IFT88: variants seen among roughly 807,000 people sequenced by gnomAD.
IFT88 encodes the protein intraflagellar transport 88, also known as intraflagellar transport protein 88 homolog.
IFT88 carries 74 observed loss-of-function variants against 119.5 expected under a neutral mutation model. That is an observed-to-expected ratio of 0.62 (90% CI 0.51 to 0.75). The LOEUF (loss-of-function observed/expected upper bound fraction) is 0.75. Ranked by LOEUF, IFT88 falls within the 30% of genes least tolerant of loss-of-function variation. The probability of loss-of-function intolerance (pLI) is 0.00; values close to 1 mark genes in which losing one functional copy is unlikely to be tolerated. For missense variants in IFT88, 961 were observed against 977.7 expected (o/e 0.98, Z 0.23); for synonymous variants, 279 against 316.7 (o/e 0.88, Z 1.26).
At chr13:20,657,748 C>T (rs979222245) in intron 22 of IFT88, among the ~76,000 whole-genome samples, 9 of 150,958 alleles carry the variant, frequency 6.0e-5, no homozygotes, top group African/African-American at 2.0e-4. Flanking sequence ...GCCAATAGAG[C>T]GAGATTCTGT....
In IFT88 at chr13:20,690,723, G is replaced by A. The variant is rs767561703; in HGVS notation, c.2261G>A (p.Ser754Asn). 3.7e-6 allele frequency: 6 copies of A among 1,612,068 alleles called. No homozygotes were observed. The South Asian group carries it at 6.6e-5, about 18-fold the overall frequency. Residue 754 changes from serine to asparagine, a missense_variant, in exon 25 of 26, where the codon AGT becomes AAT. Ser to Asn is a conservative substitution (Grantham distance 46, BLOSUM62 1). Transcript: ENST00000351808. ...TTTTCAGATAGTGGCCAGAACTATA[G>A]TGCCAGTAGTAAAGGTGAACGACTA... ...SASGDSGQNYSASSKGERLSA... is the reference protein window; with the variant it reads ...SASGDSGQNYNASSKGERLSA...
chr13:20,597,751 A>AAC (rs2041972491), intron 9 of IFT88, among the ~76,000 whole-genome samples: 1 of 142,978 alleles, frequency 7.0e-6, no homozygotes, highest in African/African-American at 2.6e-5. Flanking sequence ...GTCTCAAAAA[A>AAC]AAAATATATA....
At chr13:20,662,895 G>A (rs1358221507) in intron 22 of IFT88, among the ~76,000 whole-genome samples, 2 of 152,144 alleles carry the variant, frequency 1.3e-5, no homozygotes, top group African/African-American at 4.8e-5. Flanking sequence ...GTCATCTGGT[G>A]ATATGTATAA....
intron 21 of IFT88, among the ~76,000 whole-genome samples, chr13:20,655,456 A>AC (rs1491379239): frequency 1.3e-4 from 12 of 94,852 alleles, no homozygotes; most frequent in African/African-American, 5.2e-4. Context: ...AAAAAAAAAC[A>AC]AAAAAAACCA....
chr13:20,660,650 A>G (rs1036771963), intron 22 of IFT88, among the ~76,000 whole-genome samples: 8 of 152,242 alleles, frequency 5.3e-5, no homozygotes, highest in African/African-American at 9.6e-5. Flanking sequence ...TATCAGTGCC[A>G]GCACTTGCTG....
At chr13:20,593,600 T>G (rs116032817) in intron 7 of IFT88, among the ~76,000 whole-genome samples, 1,887 of 152,240 alleles carry the variant, frequency 0.012, 43 homozygotes, top group African/African-American at 0.043. Context: ...TTACATAATT[T>G]CCATTTTTGA....
chr13:20,658,781 C>T (rs2053301080), intron 22 of IFT88, among the ~76,000 whole-genome samples: 1 of 152,186 alleles, frequency 6.6e-6, no homozygotes, highest in Non-Finnish European at 1.5e-5. Flanking sequence ...TTGCCAGTGT[C>T]CCTTGGGGGT....
At chr13:20,653,062 G>A (rs893150462) in intron 20 of IFT88, among the ~76,000 whole-genome samples, 1 of 152,178 alleles carries the variant, frequency 6.6e-6, no homozygotes, top group Admixed American at 6.6e-5. Flanking sequence ...GTGGAAGGGA[G>A]GTAACAGGTT....
chr13:20,679,694 A>ATT (rs2057101951), intron 24 of IFT88, among the ~76,000 whole-genome samples: 1 of 152,246 alleles, frequency 6.6e-6, no homozygotes. Flanking sequence ...ATGTATCCAG[A>ATT]CTGAACTGTT....
chr13:20,634,735 C>CAAA (rs377403226), intron 16 of IFT88, among the ~76,000 whole-genome samples: 70 of 125,852 alleles, frequency 5.6e-4, no homozygotes, highest in Middle Eastern at 4.0e-3. Context: ...CTCAAACAAA[C>CAAA]AAAAAAAAAA....
intron 14 of IFT88, among the ~76,000 whole-genome samples, chr13:20,620,110 G>A (rs919901860): frequency 1.3e-5 from 2 of 151,848 alleles, no homozygotes; most frequent in Non-Finnish European, 2.9e-5. Context: ...ATTTTCCTAT[G>A]TTTTCTTCTA....
intron 13 of IFT88, among the ~76,000 whole-genome samples, chr13:20,613,551 TA>T (rs1195246165): frequency 6.6e-6 from 1 of 152,168 alleles, no homozygotes; most frequent in East Asian, 1.9e-4. Context: ...AGACTTACCA[TA>T]TAACCCAGCA....
intron 24 of IFT88, among the ~76,000 whole-genome samples, chr13:20,675,911 C>G (rs1277882345): frequency 6.6e-6 from 1 of 152,228 alleles, no homozygotes; most frequent in Non-Finnish European, 1.5e-5. Flanking sequence ...AATCCCTGCT[C>G]TAAGCCAAAG....
At chr13:20,660,491 C>A (rs1006492724) in intron 22 of IFT88, among the ~76,000 whole-genome samples, 1 of 152,194 alleles carries the variant, frequency 6.6e-6, no homozygotes, top group Non-Finnish European at 1.5e-5. Flanking sequence ...AGCTTCTGTA[C>A]CTGAGGTCCA....
At chr13:20,579,250 C>T (rs1162212606) in intron 2 of IFT88, among the ~76,000 whole-genome samples, 1 of 152,164 alleles carries the variant, frequency 6.6e-6, no homozygotes, top group African/African-American at 2.4e-5. Context: ...TTCCCCTGGG[C>T]CCTGGGTGGG....
intron 1 of IFT88, among the ~76,000 whole-genome samples, chr13:20,572,345 A>C (rs61955554): frequency 1.1e-3 from 174 of 152,112 alleles, no homozygotes; most frequent in Non-Finnish European, 1.7e-3. Flanking sequence ...CAGCCTCCCA[A>C]ATAGCTGGAA....
intron 14 of IFT88, among the ~76,000 whole-genome samples, chr13:20,623,857 C>T (rs2046909310): frequency 1.3e-5 from 2 of 152,268 alleles, no homozygotes; most frequent in South Asian, 4.1e-4. Context: ...CCTTGGTTAT[C>T]CTTATTCCTA....
At chr13:20,567,864 G>GTTTT in intron 1 of IFT88, 1 of 887,768 alleles carries the variant, frequency 1.1e-6, no homozygotes, top group Non-Finnish European at 1.6e-6. Flanking sequence ...AGTTTTTTTT[G>GTTTT]TTTGTTTTTT....
chr13:20,677,165 G>A (rs994761308), intron 24 of IFT88, among the ~76,000 whole-genome samples: 1 of 152,150 alleles, frequency 6.6e-6, no homozygotes, highest in Non-Finnish European at 1.5e-5. Context: ...TCTTCACTGA[G>A]TCCCTCCAGA....
Sources: gnomAD v4.1 joint callset for allele counts (sites outside exome capture counted in the v4.1 genomes callset) on GRCh38, gnomAD v4.1.1 for gene constraint, MANE v1.5 for transcripts, NCBI Gene and HGNC (gene_info 2026-07-23, HGNC 2026-07-21) for gene names.